SPMIP7: variants seen among roughly 807,000 people sequenced by gnomAD.
SPMIP7 encodes the protein protein SPMIP7.
chr7:50,114,616 A>G, the SPMIP7 span, among the ~76,000 whole-genome samples: 2 of 152,160 alleles, frequency 1.3e-5, no homozygotes, highest in Non-Finnish European at 2.9e-5. Context: ...GTAACACAAA[A>G]GAAAAATAGA....
At chr7:50,117,965 T>A in the SPMIP7 span, among the ~76,000 whole-genome samples, 2 of 152,228 alleles carry the variant, frequency 1.3e-5, no homozygotes, top group Non-Finnish European at 2.9e-5. Flanking sequence ...ACTGCCATTA[T>A]TAAGATTGAA....
chr7:50,115,139 A>C, the SPMIP7 span, among the ~76,000 whole-genome samples: 2 of 152,172 alleles, frequency 1.3e-5, no homozygotes, highest in East Asian at 3.8e-4. Context: ...ATCATTCAAA[A>C]ACTAGTCAAA....
chr7:50,099,422 T>C, the SPMIP7 span, among the ~76,000 whole-genome samples: 1 of 152,234 alleles, frequency 6.6e-6, no homozygotes, highest in Non-Finnish European at 1.5e-5. Context: ...AAAATGTATC[T>C]TATTCCTTTG....
At chr7:50,154,888 A>G in the SPMIP7 span, among the ~76,000 whole-genome samples, 1 of 152,158 alleles carries the variant, frequency 6.6e-6, no homozygotes, top group Non-Finnish European at 1.5e-5. Flanking sequence ...AATGGCAGCC[A>G]TTCTAATTGG....
the SPMIP7 span, among the ~76,000 whole-genome samples, chr7:50,136,671 ATAGT>A: frequency 1.3e-5 from 2 of 152,222 alleles, no homozygotes; most frequent in African/African-American, 4.8e-5. Context: ...TTTGTATTAT[ATAGT>A]TACTTTGTGT....
the SPMIP7 span, among the ~76,000 whole-genome samples, chr7:50,125,263 CACATATATATACACATATATACACAT>C: frequency 2.2e-5 from 2 of 91,038 alleles, no homozygotes; most frequent in African/African-American, 4.1e-5. Flanking sequence ...TATATATACA[CACATATATATACACATATATACACAT>C]ATATATACAC....
chr7:50,148,000 A>G, the SPMIP7 span, among the ~76,000 whole-genome samples: 1 of 152,320 alleles, frequency 6.6e-6, no homozygotes, highest in Non-Finnish European at 1.5e-5. Flanking sequence ...TGTATGTTTC[A>G]GTATCTTTAA....
the SPMIP7 span, among the ~76,000 whole-genome samples, chr7:50,128,570 T>C: frequency 2.6e-5 from 4 of 151,988 alleles, no homozygotes; most frequent in African/African-American, 9.7e-5. Flanking sequence ...AATTATCACA[T>C]TTACCCCCAA....
the SPMIP7 span, chr7:50,141,274 C>T: frequency 3.3e-6 from 5 of 1,523,730 alleles, no homozygotes; most frequent in African/African-American, 2.8e-5. Flanking sequence ...CCTTTCCATT[C>T]TAACAGTGGT....
At chr7:50,105,427 T>C in the SPMIP7 span, among the ~76,000 whole-genome samples, 117,103 of 152,080 alleles carry the variant, frequency 0.77, 45,255 homozygotes, top group East Asian at 0.88. Context: ...CTTCTAAAGT[T>C]GATCTGCCTG....
At chr7:50,149,014 G>T in the SPMIP7 span, among the ~76,000 whole-genome samples, 1 of 152,142 alleles carries the variant, frequency 6.6e-6, no homozygotes, top group Non-Finnish European at 1.5e-5. Flanking sequence ...GCATGGTGGT[G>T]CACACCTGTA....
the SPMIP7 span, among the ~76,000 whole-genome samples, chr7:50,135,253 G>A: frequency 6.6e-6 from 1 of 152,160 alleles, no homozygotes; most frequent in South Asian, 2.1e-4. Context: ...TACTTCCATT[G>A]ATTCCTTTAT....
At chr7:50,152,536 T>G in the SPMIP7 span, among the ~76,000 whole-genome samples, 2 of 152,154 alleles carry the variant, frequency 1.3e-5, no homozygotes, top group African/African-American at 4.8e-5. Context: ...GTCTAGTTGT[T>G]GGCCCAGTGC....
the SPMIP7 span, among the ~76,000 whole-genome samples, chr7:50,103,914 C>T: frequency 1.3e-5 from 2 of 152,276 alleles, no homozygotes; most frequent in African/African-American, 4.8e-5. Flanking sequence ...TTACAGTGTA[C>T]TAAATATTTT....
the SPMIP7 span, among the ~76,000 whole-genome samples, chr7:50,107,703 T>G: frequency 1.3e-5 from 2 of 152,142 alleles, no homozygotes; most frequent in African/African-American, 4.8e-5. Flanking sequence ...AGATACGATT[T>G]TTATATCCAC....
chr7:50,123,494 C>G, the SPMIP7 span, among the ~76,000 whole-genome samples: 1 of 150,110 alleles, frequency 6.7e-6, no homozygotes, highest in South Asian at 2.1e-4. Context: ...TTGCAGCGCA[C>G]CAGCATGTCA....
At chr7:50,145,269 A>G in the SPMIP7 span, among the ~76,000 whole-genome samples, 2 of 151,794 alleles carry the variant, frequency 1.3e-5, no homozygotes, top group Admixed American at 6.6e-5. Flanking sequence ...AAAAATGAAA[A>G]AAAAAAAGAA....
chr7:50,096,687 A>G, the SPMIP7 span: 3 of 1,393,418 alleles, frequency 2.2e-6, no homozygotes, highest in Non-Finnish European at 2.9e-6. Flanking sequence ...TCAAGGGAAG[A>G]GAGTATGGAC....
the SPMIP7 span, among the ~76,000 whole-genome samples, chr7:50,119,378 G>T: frequency 6.6e-6 from 1 of 152,172 alleles, no homozygotes; most frequent in Non-Finnish European, 1.5e-5. Flanking sequence ...CTGACATCAT[G>T]AAAACTGAAA....
Sources: gnomAD v4.1 joint callset for allele counts (sites outside exome capture counted in the v4.1 genomes callset) on GRCh38, gnomAD v4.1.1 for gene constraint, MANE v1.5 for transcripts, NCBI Gene and HGNC (gene_info 2026-07-23, HGNC 2026-07-21) for gene names.